Variants in ANKHD1 observed in about 807,000 individuals in gnomAD.
ANKHD1 encodes the protein ankyrin repeat and KH domain-containing protein 1.
A neutral mutation model predicts 230.5 loss-of-function variants in ANKHD1; 31 were observed. The ratio of observed to expected loss-of-function variants is 0.13; its 90% confidence interval spans 0.10 to 0.18. ANKHD1 has a LOEUF of 0.18. Ranked by LOEUF, ANKHD1 falls within the 10% of genes least tolerant of loss-of-function variation. ANKHD1 has a pLI of 1.00. For synonymous variants in ANKHD1, 1,074 were observed against 1,117.6 expected (o/e 0.96, Z 0.78); for missense variants, 2,256 against 3,071.3 (o/e 0.73, Z 6.27).
In ANKHD1 at chr5:140,464,774, T is replaced by G. The variant is rs773877566; in HGVS notation, c.1780T>G (p.Leu594Val). 8.2e-6 allele frequency: 13 copies of G among 1,591,182 alleles called. No homozygotes were observed. In the South Asian group the frequency reaches 1.5e-4, roughly 18 times the overall value. The change falls in exon 10 of 34, where the codon TTA becomes GTA. Residue 594 changes from leucine to valine, a missense_variant and splice_region_variant. Leu to Val is a conservative substitution (Grantham distance 32). This residue lies in a region of ANKHD1 where 179 missense variants were observed against 261.8 expected (regional missense o/e 0.68). Transcript: ENST00000360839. ...ADVLLQAGAD[L>V]EHESEGGRTP... ...TGTTTTACTTCAAGCAGGGGCTGAT[T>G]TAGTAAGATATTTTTAATTTCAAAT...
At position 140,529,529 on chromosome 5, in the gene ANKHD1, C is replaced by G; in HGVS notation, c.6583C>G (p.Pro2195Ala). The change falls in exon 29 of 34, where the codon CCA becomes GCA. Residue 2195 changes from proline (P) to alanine (A), a missense_variant. Coordinates refer to ENST00000360839, the MANE Select transcript of ANKHD1 (RefSeq NM_017747.3). Reference sequence around the variant, plus strand: ...GAATGGTTCTCAGATGCACATAAACCCAGCAAATAAGTCTTTGCCACCTAC... The same window carrying G: ...GAATGGTTCTCAGATGCACATAAACGCAGCAAATAAGTCTTTGCCACCTAC... ...IMNGSQMHINPANKSLPPTFG... is the reference protein window; with the variant it reads ...IMNGSQMHINAANKSLPPTFG... The G allele has an allele frequency of 6.2e-7, 1 of 1,614,196 alleles. No individual in the cohort carries two copies. Among genetic ancestry groups the G allele is most frequent in the Non-Finnish European group, 8.5e-7 (1 of 1,180,046 alleles).
Position 140,497,240 on chromosome 5 carries a change from C to T in ANKHD1, c.2966C>T (p.Ala989Val). The T allele has an allele frequency of 6.2e-7, 1 of 1,607,432 alleles. No homozygotes were observed. Among genetic ancestry groups the T allele is most frequent in the Non-Finnish European group, 8.5e-7 (1 of 1,179,904 alleles). ...GATGGACTAATGGTTGCAACTCCAG[C>T]TCAGACGCTTACCGACACTCTTGAT... The part of the protein sequence containing the change: ...EPDGLMVATP[A>V]QTLTDTLDDL... The change falls in exon 15 of 34, where the codon GCT becomes GTT. Residue 989 changes from alanine (A) to valine (V), a missense_variant. This residue lies in a region of ANKHD1 where 358 missense variants were observed against 397.7 expected (regional missense o/e 0.90). Transcript: ENST00000360839.
chr5:140,496,460 T>TG, intron 14 of ANKHD1, 60 bp from the exon 15 acceptor site: 14 of 1,166,876 alleles, frequency 1.2e-5, no homozygotes, highest in East Asian at 3.2e-5. Flanking sequence ...TTTTTTCTTT[T>TG]CTTTTTTTTT....
At chr5:140,486,096 G>T (rs1463524697) in intron 13 of ANKHD1, 14 of 225,866 alleles carry the variant, frequency 6.2e-5, no homozygotes, top group Admixed American at 3.0e-4. Context: ...ATGGAGTCTT[G>T]CTCTGTTGCC....
rs762478297 is a variant in ANKHD1, at chr5:140,459,359, T to G, written c.1672+4T>G. The stretch of plus-strand genomic sequence containing the variant: ...GTTAAATATTTGCTGGCTTCTGGTA[T>G]GTGGCTTTAAGATGCCTTATTGCTC... On this transcript the variant is annotated splice_donor_region_variant and intron_variant, in intron 9 of 33. Coordinates refer to ENST00000360839, the MANE Select transcript of ANKHD1 (RefSeq NM_017747.3). 31 of 1,555,856 alleles carry G rather than the reference T, an allele frequency of 2.0e-5. No individual in the cohort carries two copies. The Middle Eastern group carries it at 5.2e-4, about 26-fold the overall frequency.
At chr5:140,458,551 T>G (rs976083626) in intron 7 of ANKHD1, 74 bp from the exon 8 acceptor site, 1 of 1,479,508 alleles carries the variant, frequency 6.8e-7, no homozygotes, top group African/African-American at 1.4e-5. Context: ...TCTCTTGCTT[T>G]CTTCTCTCCC....
In ANKHD1 at chr5:140,509,643, C is replaced by G. The variant is rs1283401822; in HGVS notation, c.3772C>G (p.Leu1258Val). 6.3e-7 allele frequency: 1 copy of G among 1,575,202 alleles called. No individual in the cohort carries two copies. Among genetic ancestry groups the G allele is most frequent in the Non-Finnish European group, 8.6e-7 (1 of 1,163,956 alleles). The change falls in exon 21 of 34, where the codon CTT becomes GTT. Residue 1258 changes from leucine (L) to valine (V), a missense_variant. By Grantham distance (32) the Leu-to-Val change is conservative. Transcript: ENST00000360839. ...ANVEHRAKTG[L>V]TPLMEAASGG... ...AATTTATTGGTTTAAACAGACGGGT[C>G]TTACCCCCTTGATGGAAGCAGCTTC... is the stretch of plus-strand genomic sequence containing the variant.
Position 140,526,857 on chromosome 5 carries a change from A to C in ANKHD1, c.4941-71A>C, listed in dbSNP as rs918821184. 2.7e-6 allele frequency: 4 copies of C among 1,495,848 alleles called. No homozygotes were observed. In the African/African-American group the frequency reaches 5.7e-5, roughly 21 times the overall value. 92.7% of individuals were successfully genotyped at this position (1,495,848 alleles called of 1,614,324 possible). On this transcript the variant is annotated intron_variant, in intron 26 of 33. Coordinates refer to ENST00000360839, the MANE Select transcript of ANKHD1 (RefSeq NM_017747.3). ...AATATTTCAGCGTAACTCTGGCTATAAAGGAATAGTCTCTTGAGTTTCTAT... is the reference window on the plus strand; with the variant it reads ...AATATTTCAGCGTAACTCTGGCTATCAAGGAATAGTCTCTTGAGTTTCTAT...
rs1234529427 is a variant in ANKHD1 at position 140,472,496 on chromosome 5, C to T, written c.1782+7720C>T. On this transcript the variant is annotated intron_variant, in intron 10 of 33. Coordinates refer to ENST00000360839, the MANE Select transcript of ANKHD1 (RefSeq NM_017747.3). ...GCTGGTAGTTTGTTTCCTTAGTCTT[C>T]TTTCTCAGTGATATTCCTAAAAAAA... 6 of 1,275,818 alleles carry T rather than the reference C, an allele frequency of 4.7e-6. No individual in the cohort carries two copies. In the African/African-American group the frequency reaches 9.2e-5, roughly 20 times the overall value. The allele number at this position is 1,275,818 out of a possible 1,614,324, so 79.0% of individuals were successfully genotyped here.
intron 31 of ANKHD1, among the ~76,000 whole-genome samples, 193 bp from the exon 32 acceptor site, chr5:140,537,893 G>A (rs1369595267): frequency 1.3e-5 from 2 of 152,102 alleles, no homozygotes; most frequent in African/African-American, 4.8e-5. Context: ...GGGTAAAGTG[G>A]AGTATTCAGA....
chr5:140,496,469 T>TC lies in ANKHD1; in HGVS notation c.2246-51_2246-50insC, dbSNP rs780331020. Reference sequence around the variant, plus strand: ...TTTTTTTTTTTTCTTTTCTTTTTTTTTTTTTTTTTTTTTAGCATGGCACTC... The same window carrying TC: ...TTTTTTTTTTTTCTTTTCTTTTTTTTCTTTTTTTTTTTTTAGCATGGCACTC... On this transcript the variant is annotated intron_variant, in intron 14 of 33. Transcript: ENST00000360839. The TC allele has an allele frequency of 4.7e-6, 5 of 1,064,130 alleles. No individual in the cohort carries two copies. The East Asian group carries it at 1.8e-4, about 39-fold the overall frequency. 65.9% of individuals were successfully genotyped at this position (1,064,130 alleles called of 1,614,324 possible).
At chr5:140,491,139 C>CACACATATATATATATATAT (rs1460352213) in intron 14 of ANKHD1, among the ~76,000 whole-genome samples, 1 of 56,350 alleles carries the variant, frequency 1.8e-5, no homozygotes, top group Non-Finnish European at 3.3e-5. Context: ...TATATATACA[C>CACACATATATATATATATAT]ATATATATAT....
At position 140,539,628 on chromosome 5, in the gene ANKHD1, C is replaced by T. The variant is rs1287132173; in HGVS notation, c.*210C>T. On this transcript the variant is annotated 3_prime_UTR_variant, in exon 34 of 34. Transcript: ENST00000360839. ...CCATTTTGAACTTAAGATCATATGA[C>T]CTTAGTGCTTTTGGCTAAACATACA... The T allele has an allele frequency of 7.9e-6, 4 of 503,184 alleles. No homozygotes were observed. Among genetic ancestry groups the T allele is most frequent in the African/African-American group, 7.8e-5 (4 of 51,302 alleles). 31.2% of individuals were successfully genotyped at this position (503,184 alleles called of 1,614,324 possible).
At chr5:140,532,921 A>AC (rs1481650822) in intron 29 of ANKHD1, 1 of 300,604 alleles carries the variant, frequency 3.3e-6, no homozygotes, top group Non-Finnish European at 6.7e-6. Context: ...ACATGGGGAA[A>AC]CCCCCGTCTC....
chr5:140,516,483 A>G (rs765740213), intron 24 of ANKHD1, among the ~76,000 whole-genome samples: 9 of 152,100 alleles, frequency 5.9e-5, no homozygotes, highest in Non-Finnish European at 1.3e-4. Flanking sequence ...ACTCCAAGAC[A>G]CATAATTGTC....
chr5:140,529,626 G>T lies in ANKHD1; in HGVS notation c.6680G>T (p.Gly2227Val). ...FDSSQVPANQ[G>V]WGDGPLSSRV... Reference sequence around the variant, plus strand: ...AGTAGTCAGGTGCCAGCTAACCAGGGCTGGGGAGATGGTCCACTGTCCTCA... The same window carrying T: ...AGTAGTCAGGTGCCAGCTAACCAGGTCTGGGGAGATGGTCCACTGTCCTCA... The change falls in exon 29 of 34, where the codon GGC becomes GTC. Residue 2227 changes from glycine to valine, a missense_variant. Physicochemically the swap from Gly to Val is moderately radical, Grantham distance 109. Coordinates refer to ENST00000360839, the MANE Select transcript of ANKHD1 (RefSeq NM_017747.3). The T allele has an allele frequency of 6.2e-7, 1 of 1,614,168 alleles. No homozygotes were observed. The highest frequency in any genetic ancestry group is 1.3e-5 in the African/African-American group (1 of 75,030).
intron 23 of ANKHD1, 62 bp downstream of exon 23, chr5:140,512,985 G>A: frequency 1.4e-6 from 2 of 1,455,538 alleles, no homozygotes; most frequent in South Asian, 2.6e-5. Flanking sequence ...GCCAAAGTGT[G>A]CAGTTAGGAA....
chr5:140,430,652 CTT>C (rs34643827), intron 1 of ANKHD1, among the ~76,000 whole-genome samples: 1,345 of 114,636 alleles, frequency 0.012, 5 homozygotes, highest in Non-Finnish European at 0.017. Context: ...TGGTTTCCAT[CTT>C]TTTTTTTTTT....
At chr5:140,404,967 C>CTGTGTGTGTGTGTGTG (rs35692572) in intron 1 of ANKHD1, among the ~76,000 whole-genome samples, 2 of 134,832 alleles carry the variant, frequency 1.5e-5, no homozygotes, top group Non-Finnish European at 3.2e-5. Context: ...CTGTGCATGT[C>CTGTGTGTGTGTGTGTG]TGTGTGTGTG....
Sources: allele counts gnomAD v4.1 joint callset (sites outside exome capture counted in the v4.1 genomes callset), GRCh38; gene constraint gnomAD v4.1.1; regional missense constraint gnomAD v4.1.1; transcripts MANE v1.5; gene names NCBI Gene and HGNC (gene_info 2026-07-23, HGNC 2026-07-21).